Variants in RABGAP1L observed in about 807,000 individuals in gnomAD.
RABGAP1L encodes the protein RAB GTPase activating protein 1 like.
A neutral mutation model predicts 137.7 loss-of-function variants in RABGAP1L; 63 were observed. That is an observed-to-expected ratio of 0.46 (90% confidence interval 0.37 to 0.56). The LOEUF (loss-of-function observed/expected upper bound fraction) is 0.56, where lower values mean the gene tolerates loss of function less well. Ranked by LOEUF, RABGAP1L falls within the 20% of genes least tolerant of loss-of-function variation. The pLI is 0.00. For synonymous variants in RABGAP1L, 431 were observed against 433.7 expected (o/e 0.99, Z 0.08); for missense variants, 1,095 against 1,244.0 (o/e 0.88, Z 1.80).
intron 1 of RABGAP1L, among the ~76,000 whole-genome samples, chr1:174,163,780 A>T (rs1205093634): frequency 2.7e-5 from 4 of 150,722 alleles, no homozygotes; most frequent in Admixed American, 2.6e-4. Flanking sequence ...TTTTTTTTTT[A>T]ATAAAAGGCT....
At chr1:174,614,038 G>A (rs1431310463) in intron 13 of RABGAP1L, among the ~76,000 whole-genome samples, 3 of 152,264 alleles carry the variant, frequency 2.0e-5, no homozygotes, top group Admixed American at 2.0e-4. Context: ...CTTTTAATTG[G>A]AGCATTTATT....
chr1:174,832,584 A>C (rs1692226709), intron 19 of RABGAP1L, among the ~76,000 whole-genome samples: 1 of 147,794 alleles, frequency 6.8e-6, no homozygotes, highest in Non-Finnish European at 1.5e-5. Flanking sequence ...AGCATGTTGC[A>C]AAAGGAGATC....
chr1:174,209,259 G>T (rs570318306), intron 1 of RABGAP1L, among the ~76,000 whole-genome samples: 2 of 152,136 alleles, frequency 1.3e-5, no homozygotes, highest in Admixed American at 1.3e-4. Flanking sequence ...GTGGCCTGGG[G>T]GTTGGGGATG....
intron 11 of RABGAP1L, among the ~76,000 whole-genome samples, chr1:174,320,781 G>A (rs776858105): frequency 6.6e-6 from 1 of 152,140 alleles, no homozygotes; most frequent in Non-Finnish European, 1.5e-5. Flanking sequence ...AGCTGAGGGT[G>A]TATGTCGCCT....
intron 19 of RABGAP1L, among the ~76,000 whole-genome samples, chr1:174,858,573 G>A (rs1399870981): frequency 6.6e-6 from 1 of 152,172 alleles, no homozygotes; most frequent in Non-Finnish European, 1.5e-5. Context: ...ATGTGACTGT[G>A]TGACTCAACT....
chr1:174,291,659 T>C (rs919032916), intron 10 of RABGAP1L, among the ~76,000 whole-genome samples: 2 of 152,182 alleles, frequency 1.3e-5, no homozygotes, highest in African/African-American at 2.4e-5. Flanking sequence ...ATTCCACTTA[T>C]TATTTTTTAA....
chr1:174,709,684 C>G (rs928289105), intron 17 of RABGAP1L, among the ~76,000 whole-genome samples: 1 of 152,160 alleles, frequency 6.6e-6, no homozygotes, highest in Non-Finnish European at 1.5e-5. Context: ...TCACCAACAT[C>G]AAAGACCAAA....
chr1:174,384,226 C>G (rs1438882099), intron 12 of RABGAP1L, among the ~76,000 whole-genome samples: 4 of 152,140 alleles, frequency 2.6e-5, no homozygotes, highest in African/African-American at 7.2e-5. Flanking sequence ...AAAGTCAAAA[C>G]TATCATCATA....
chr1:174,817,980 G>T (rs1469927070), intron 19 of RABGAP1L, among the ~76,000 whole-genome samples: 1 of 152,154 alleles, frequency 6.6e-6, no homozygotes, highest in Non-Finnish European at 1.5e-5. Flanking sequence ...ACAAACAAGA[G>T]AACAAATTAT....
At chr1:174,439,607 G>GC (rs1653892185) in intron 13 of RABGAP1L, among the ~76,000 whole-genome samples, 1 of 152,104 alleles carries the variant, frequency 6.6e-6, no homozygotes, top group Non-Finnish European at 1.5e-5. Flanking sequence ...GACTAATACT[G>GC]CCCTTCATTT....
intron 13 of RABGAP1L, among the ~76,000 whole-genome samples, chr1:174,492,857 T>C (rs1558280816): frequency 6.6e-6 from 1 of 152,236 alleles, no homozygotes. Flanking sequence ...CATCACTCAC[T>C]GCCTTTCCTT....
intron 13 of RABGAP1L, among the ~76,000 whole-genome samples, chr1:174,432,098 C>T (rs1652704183): frequency 6.6e-6 from 1 of 152,020 alleles, no homozygotes; most frequent in African/African-American, 2.4e-5. Context: ...TTTTTTAAGC[C>T]TTACTTTCCT....
At chr1:174,831,734 A>G (rs1540207) in intron 19 of RABGAP1L, among the ~76,000 whole-genome samples, 89,027 of 147,084 alleles carry the variant, frequency 0.61, 32,283 homozygotes, top group East Asian at 0.91. Context: ...GACTAAAAAA[A>G]AACTAGCTTT....
In RABGAP1L at chr1:174,994,537, T is replaced by G. The variant is rs1382793471; in HGVS notation, c.*4536T>G. 2 of 152,236 alleles carry G rather than the reference T, an allele frequency of 1.3e-5. No homozygotes were observed. Among genetic ancestry groups the G allele is most frequent in the East Asian group, 3.8e-4 (2 of 5,198 alleles). The allele number at this position is 152,236 out of a possible 1,614,324, so 9.4% of individuals were successfully genotyped here. ...TTTTCCTTTTTCATTGGCAATTAGT[T>G]AACATGTAAAATCTTTTCCATTAAA... On this transcript the variant is annotated 3_prime_UTR_variant, in exon 26 of 26. Transcript: ENST00000681986.
At chr1:174,338,543 T>G (rs1042585009) in intron 11 of RABGAP1L, among the ~76,000 whole-genome samples, 1 of 149,372 alleles carries the variant, frequency 6.7e-6, no homozygotes, top group Non-Finnish European at 1.5e-5. Flanking sequence ...AATGTAGTGT[T>G]TTTTTTTTTT....
chr1:174,478,085 G>A (rs1344347633), intron 13 of RABGAP1L, among the ~76,000 whole-genome samples: 1 of 151,870 alleles, frequency 6.6e-6, no homozygotes, highest in East Asian at 1.9e-4. Flanking sequence ...TTTTGTCAAA[G>A]AATAATATTT....
At chr1:174,563,206 A>C (rs1667340695) in intron 13 of RABGAP1L, among the ~76,000 whole-genome samples, 1 of 152,166 alleles carries the variant, frequency 6.6e-6, no homozygotes. Flanking sequence ...ATCCTTTGCT[A>C]TGCACTGAGT....
At chr1:174,516,928 AAAAT>A (rs147145926) in intron 13 of RABGAP1L, among the ~76,000 whole-genome samples, 22,622 of 141,030 alleles carry the variant, frequency 0.16, 4,462 homozygotes, top group African/African-American at 0.47. Context: ...CTCTGTCTCA[AAAAT>A]AAATAAATAA....
At chr1:174,176,723 A>ATAAATAAAT (rs1665892932) in intron 1 of RABGAP1L, among the ~76,000 whole-genome samples, 1 of 131,600 alleles carries the variant, frequency 7.6e-6, no homozygotes, top group Middle Eastern at 3.3e-3. Context: ...GAAAAAAAAA[A>ATAAATAAAT]AAAAAAAAAA....
Sources: gnomAD v4.1 joint callset for allele counts (sites outside exome capture counted in the v4.1 genomes callset) on GRCh38, gnomAD v4.1.1 for gene constraint, MANE v1.5 for transcripts, NCBI Gene and HGNC (gene_info 2026-07-23, HGNC 2026-07-21) for gene names.